CNTNAP2: variants seen among roughly 807,000 people sequenced by gnomAD.
CNTNAP2 encodes the protein contactin-associated protein-like 2.
A neutral mutation model predicts 155.2 loss-of-function variants in CNTNAP2; 98 were observed. The observed-to-expected ratio is 0.63, with a 90% CI of 0.54 to 0.75. CNTNAP2 has a LOEUF of 0.75. Ranked by LOEUF, CNTNAP2 falls within the 30% of genes least tolerant of loss-of-function variation. CNTNAP2 has a pLI of 0.00. For missense variants in CNTNAP2, 1,727 were observed against 1,688.1 expected (o/e 1.02, Z -0.40); for synonymous variants, 651 against 631.2 (o/e 1.03, Z -0.47).
chr7:147,272,664 A>ATTTTTTTTTTTTTTTTTTTTTTTTTTT (rs71182188), intron 8 of CNTNAP2, among the ~76,000 whole-genome samples: 2 of 138,928 alleles, frequency 1.4e-5, no homozygotes, highest in Non-Finnish European at 3.2e-5. Flanking sequence ...CGCCCGGCTA[A>ATTTTTTTTTTTTTTTTTTTTTTTTTTT]TTTTTTTTTT....
chr7:146,222,260 A>T (rs757918454), intron 1 of CNTNAP2, among the ~76,000 whole-genome samples: 17 of 152,216 alleles, frequency 1.1e-4, no homozygotes, highest in Non-Finnish European at 2.2e-4. Flanking sequence ...CCACAGGCTG[A>T]CAAGAGAAAG....
At chr7:148,216,202 A>C (rs896572243) in intron 18 of CNTNAP2, among the ~76,000 whole-genome samples, 1 of 152,206 alleles carries the variant, frequency 6.6e-6, no homozygotes, top group Non-Finnish European at 1.5e-5. Context: ...TGAAGTGCCT[A>C]ATATCCAGTA....
intron 1 of CNTNAP2, among the ~76,000 whole-genome samples, chr7:146,155,416 G>T (rs192418690): frequency 7.9e-5 from 12 of 152,102 alleles, no homozygotes; most frequent in Middle Eastern, 3.4e-3. Flanking sequence ...AGAAACTGGG[G>T]GATCTTTTGG....
intron 15 of CNTNAP2, among the ~76,000 whole-genome samples, chr7:148,069,074 C>T (rs751694324): frequency 6.6e-6 from 1 of 152,188 alleles, no homozygotes; most frequent in Non-Finnish European, 1.5e-5. Flanking sequence ...GTGGGGTTCA[C>T]ATTGTTTGTG....
chr7:147,290,662 G>T (rs1263830856), intron 8 of CNTNAP2, among the ~76,000 whole-genome samples: 1 of 126,762 alleles, frequency 7.9e-6, no homozygotes, highest in Non-Finnish European at 1.6e-5. Flanking sequence ...CAGCCTCAGT[G>T]ACAGAGTGAG....
intron 13 of CNTNAP2, among the ~76,000 whole-genome samples, chr7:147,640,019 GA>G (rs146776102): frequency 0.028 from 4,203 of 152,236 alleles, 195 homozygotes; most frequent in African/African-American, 0.096. Context: ...AAACACAGTG[GA>G]AATAAGTCAA....
At chr7:146,576,751 G>A (rs1349721259) in intron 1 of CNTNAP2, among the ~76,000 whole-genome samples, 1 of 152,058 alleles carries the variant, frequency 6.6e-6, no homozygotes, top group Non-Finnish European at 1.5e-5. Flanking sequence ...TCATAATCAG[G>A]AAAGTTCTAG....
intron 3 of CNTNAP2, among the ~76,000 whole-genome samples, chr7:146,913,111 G>A (rs1260551212): frequency 1.3e-5 from 2 of 152,138 alleles, no homozygotes; most frequent in Non-Finnish European, 1.5e-5. Context: ...AAGTTTCATA[G>A]AGAAAGAGGG....
At chr7:146,515,037 G>A (rs867511296) in intron 1 of CNTNAP2, among the ~76,000 whole-genome samples, 8 of 152,046 alleles carry the variant, frequency 5.3e-5, no homozygotes, top group African/African-American at 1.9e-4. Context: ...TATGTGAAAA[G>A]GCTGTCTATG....
At chr7:146,573,212 G>A (rs1004593099) in intron 1 of CNTNAP2, among the ~76,000 whole-genome samples, 6 of 151,966 alleles carry the variant, frequency 3.9e-5, no homozygotes, top group Non-Finnish European at 5.9e-5. Context: ...GCACAATCTC[G>A]GCTCACTGCA....
chr7:146,990,312 T>C (rs1798187950), intron 3 of CNTNAP2, among the ~76,000 whole-genome samples: 1 of 152,156 alleles, frequency 6.6e-6, no homozygotes, highest in Non-Finnish European at 1.5e-5. Flanking sequence ...GGACAGAATG[T>C]TTTACAAAAC....
chr7:146,816,199 T>C (rs965180325), intron 2 of CNTNAP2, among the ~76,000 whole-genome samples: 2 of 152,168 alleles, frequency 1.3e-5, no homozygotes, highest in African/African-American at 4.8e-5. Context: ...ACTTTTTATA[T>C]GTCTGGTACT....
intron 11 of CNTNAP2, among the ~76,000 whole-genome samples, chr7:147,517,804 G>A (rs1799154319): frequency 1.0e-5 from 1 of 97,514 alleles, no homozygotes; most frequent in South Asian, 4.8e-4. Context: ...AACAATGAAT[G>A]GAATTAACAG....
chr7:146,446,830 T>C (rs1209368857), intron 1 of CNTNAP2, among the ~76,000 whole-genome samples: 3 of 152,062 alleles, frequency 2.0e-5, no homozygotes, highest in Non-Finnish European at 4.4e-5. Flanking sequence ...ATCGCTTTTA[T>C]TGTTCTATAT....
At chr7:146,771,249 GC>G (rs1221490355) in intron 1 of CNTNAP2, among the ~76,000 whole-genome samples, 4 of 152,086 alleles carry the variant, frequency 2.6e-5, no homozygotes, top group Non-Finnish European at 4.4e-5. Context: ...CAAGGGCAGG[GC>G]ATTGTTAATT....
At chr7:148,395,795 C>T (rs772540580) in intron 22 of CNTNAP2, among the ~76,000 whole-genome samples, 1 of 152,192 alleles carries the variant, frequency 6.6e-6, no homozygotes, top group Admixed American at 6.5e-5. Context: ...TAACCAGGAT[C>T]ACTTAACTCT....
At chr7:146,907,020 GC>G (rs1796146856) in intron 3 of CNTNAP2, among the ~76,000 whole-genome samples, 1 of 150,548 alleles carries the variant, frequency 6.6e-6, no homozygotes, top group South Asian at 2.1e-4. Context: ...AGCCTCAGGA[GC>G]CGATGCGATC....
chr7:147,066,786 A>C (rs1799787069), intron 4 of CNTNAP2, among the ~76,000 whole-genome samples: 1 of 152,194 alleles, frequency 6.6e-6, no homozygotes, highest in Non-Finnish European at 1.5e-5. Context: ...ACTGTCTTTT[A>C]GTCAGGTAAG....
intron 1 of CNTNAP2, among the ~76,000 whole-genome samples, chr7:146,476,898 C>T (rs1426703412): frequency 6.6e-6 from 1 of 152,094 alleles, no homozygotes; most frequent in Non-Finnish European, 1.5e-5. Flanking sequence ...GCATACACTG[C>T]CGCTTCCCAA....
Sources: allele counts gnomAD v4.1 joint callset (sites outside exome capture counted in the v4.1 genomes callset), GRCh38; gene constraint gnomAD v4.1.1; transcripts MANE v1.5; gene names NCBI Gene and HGNC (gene_info 2026-07-23, HGNC 2026-07-21).